SPAG16: variants seen among roughly 807,000 people sequenced by gnomAD.
The protein encoded by SPAG16 is sperm associated antigen 16.
Under a neutral mutation model 80.4 loss-of-function variants are expected in SPAG16, and 86 were observed. That is an observed-to-expected ratio of 1.07 (90% confidence interval 0.90 to 1.28). The LOEUF is 1.28. SPAG16 is among the 50% of genes most tolerant of loss of function. The probability of loss-of-function intolerance (pLI) is 0.00; values close to 1 mark genes in which losing one functional copy is unlikely to be tolerated. For missense variants in SPAG16, 870 were observed against 765.3 expected (o/e 1.14, Z -1.61); for synonymous variants, 294 against 265.9 (o/e 1.11, Z -1.03).
chr2:214,003,333 GTA>G (rs1196668175), intron 12 of SPAG16, among the ~76,000 whole-genome samples: 1 of 152,194 alleles, frequency 6.6e-6, no homozygotes, highest in Non-Finnish European at 1.5e-5. Flanking sequence ...TCTATACAAT[GTA>G]TATGTTTTCT....
chr2:213,311,068 C>T (rs1157534178), intron 4 of SPAG16, among the ~76,000 whole-genome samples: 2 of 151,422 alleles, frequency 1.3e-5, no homozygotes, highest in Admixed American at 6.6e-5. Context: ...CACATAAGCG[C>T]AGTCAGTTTC....
rs1439247960 is a variant in SPAG16 at position 213,612,213 on chromosome 2, A to AT, written c.1070+122131dup. 5.3e-5 allele frequency among the ~76,000 whole-genome samples: 8 copies of AT among 152,046 alleles called. No individual in the cohort carries two copies. The East Asian group carries it at 1.2e-3, about 22-fold the overall frequency. On this transcript the variant is annotated intron_variant, in intron 10 of 15. Transcript: ENST00000331683. ...GTTTAGATATGGATATTTATGTTTA[A>AT]TTTTTTTTGAATTAGCAAACATGTA...
chr2:213,922,975 G>A (rs2078293661), intron 11 of SPAG16, among the ~76,000 whole-genome samples: 1 of 152,184 alleles, frequency 6.6e-6, no homozygotes, highest in Non-Finnish European at 1.5e-5. Context: ...CTTGCCTGCA[G>A]AGTTCAGGCA....
chr2:213,742,512 C>T (rs908664836), intron 10 of SPAG16, among the ~76,000 whole-genome samples: 1 of 151,520 alleles, frequency 6.6e-6, no homozygotes, highest in Admixed American at 6.6e-5. Context: ...TCTACAGGTA[C>T]ACTCTTGATC....
intron 9 of SPAG16, among the ~76,000 whole-genome samples, chr2:213,388,930 C>G (rs749469108): frequency 6.6e-6 from 1 of 152,060 alleles, no homozygotes; most frequent in Non-Finnish European, 1.5e-5. Context: ...TCCTAAGTTT[C>G]GTATAGTCTC....
intron 15 of SPAG16, among the ~76,000 whole-genome samples, chr2:214,250,350 G>A (rs1690161171): frequency 6.6e-6 from 1 of 151,644 alleles, no homozygotes; most frequent in African/African-American, 2.4e-5. Context: ...ATCATTCAGA[G>A]GGGAATATTA....
At chr2:213,503,763 A>G (rs1467157375) in intron 10 of SPAG16, among the ~76,000 whole-genome samples, 2 of 152,224 alleles carry the variant, frequency 1.3e-5, no homozygotes, top group Non-Finnish European at 2.9e-5. Context: ...GGTAAAATAC[A>G]GAGGTTTAAG....
intron 10 of SPAG16, among the ~76,000 whole-genome samples, chr2:213,717,905 A>G (rs1052164039): frequency 6.6e-6 from 1 of 152,134 alleles, no homozygotes; most frequent in Non-Finnish European, 1.5e-5. Context: ...CTAGAAGAAA[A>G]CCTAGGCAGT....
At chr2:213,956,284 T>A (rs1184413873) in intron 12 of SPAG16, among the ~76,000 whole-genome samples, 1 of 151,864 alleles carries the variant, frequency 6.6e-6, no homozygotes, top group East Asian at 1.9e-4. Flanking sequence ...TGTTTTTCTA[T>A]TCTCTTTTTT....
At chr2:213,555,974 T>G (rs2125963977) in intron 10 of SPAG16, among the ~76,000 whole-genome samples, 1 of 152,270 alleles carries the variant, frequency 6.6e-6, no homozygotes, top group South Asian at 2.1e-4. Context: ...AAGCATAGAT[T>G]TATTTTATGC....
chr2:214,355,259 C>T lies in SPAG16; in HGVS notation c.1721-54881C>T, dbSNP rs1053749174. Among the ~76,000 whole-genome samples the T allele has an allele frequency of 2.1e-4, 30 of 140,560 alleles. No homozygotes were observed. The East Asian group carries it at 2.5e-3, about 12-fold the overall frequency. 92.2% of individuals were successfully genotyped at this position (140,560 alleles called of 152,430 possible). On this transcript the variant is annotated intron_variant, in intron 15 of 15. Coordinates refer to ENST00000331683, the MANE Select transcript of SPAG16 (RefSeq NM_024532.5). ...AACCTACAAAATGGGAGAAAATTTT[C>T]GCAACCTACTCATCTGACAAAGGGC...
intron 15 of SPAG16, among the ~76,000 whole-genome samples, chr2:214,167,029 GA>G (rs1192328590): frequency 6.6e-6 from 1 of 152,140 alleles, no homozygotes; most frequent in Non-Finnish European, 1.5e-5. Flanking sequence ...AAGGGCAGAT[GA>G]AGAAGACTCA....
chr2:213,382,883 G>A (rs1368130830), intron 9 of SPAG16, among the ~76,000 whole-genome samples: 1 of 152,174 alleles, frequency 6.6e-6, no homozygotes, highest in Non-Finnish European at 1.5e-5. Context: ...AGGCAAAGGA[G>A]TAGAAAGTTT....
At chr2:213,761,289 T>C (rs1209039714) in intron 10 of SPAG16, among the ~76,000 whole-genome samples, 1 of 152,094 alleles carries the variant, frequency 6.6e-6, no homozygotes, top group Non-Finnish European at 1.5e-5. Context: ...AAGGGGGAAA[T>C]TTATAGCTAT....
chr2:214,356,880 C>T (rs1698841445), intron 15 of SPAG16, among the ~76,000 whole-genome samples: 1 of 151,984 alleles, frequency 6.6e-6, no homozygotes, highest in Non-Finnish European at 1.5e-5. Context: ...TCTTCTATCT[C>T]ATACCTTTCT....
At chr2:213,347,076 C>T (rs1009995666) in intron 6 of SPAG16, among the ~76,000 whole-genome samples, 33 of 152,104 alleles carry the variant, frequency 2.2e-4, no homozygotes, top group African/African-American at 7.2e-4. Flanking sequence ...TGCAATTGGT[C>T]TATTCAGAGA....
At position 213,785,390 on chromosome 2, in the gene SPAG16, A is replaced by G. The variant is rs1342955356; in HGVS notation, c.1071-77095A>G. ...TCTTAAAACTTTGATAGTTGTATAG[A>G]TTATCAATAGTATTTTACATGTTAC... is the stretch of plus-strand genomic sequence containing the variant. On this transcript the variant is annotated intron_variant, in intron 10 of 15. Transcript: ENST00000331683. Among the ~76,000 whole-genome samples, 7 of 152,328 alleles carry G rather than the reference A, an allele frequency of 4.6e-5. No homozygotes were observed. In the East Asian group the frequency reaches 1.3e-3, roughly 29 times the overall value.
chr2:213,910,323 A>T (rs72948711), intron 11 of SPAG16, among the ~76,000 whole-genome samples: 36,370 of 152,160 alleles, frequency 0.24, 4,945 homozygotes, highest in South Asian at 0.36. Context: ...TCTTCAGATC[A>T]TATAAATCTA....
At chr2:214,387,351 C>T (rs973610581) in intron 15 of SPAG16, among the ~76,000 whole-genome samples, 2 of 151,988 alleles carry the variant, frequency 1.3e-5, no homozygotes, top group African/African-American at 2.4e-5. Flanking sequence ...AAAAATAGGG[C>T]GATGTTTGAT....
Sources: allele counts gnomAD v4.1 joint callset (sites outside exome capture counted in the v4.1 genomes callset), GRCh38; gene constraint gnomAD v4.1.1; transcripts MANE v1.5; gene names NCBI Gene and HGNC (gene_info 2026-07-23, HGNC 2026-07-21).